The following CDKAL1 variants were observed in gnomAD, a reference collection of about 807,000 sequenced individuals.
The protein encoded by CDKAL1 is CDKAL1 threonylcarbamoyladenosine tRNA methylthiotransferase.
Under a neutral mutation model 68.2 loss-of-function variants are expected in CDKAL1, and 32 were observed. The observed-to-expected ratio is 0.47, with a 90% CI of 0.35 to 0.63. CDKAL1 has a LOEUF of 0.63. CDKAL1 is among the 30% of genes least tolerant of loss of function. CDKAL1 has a pLI of 0.00. For synonymous variants in CDKAL1, 234 were observed against 244.3 expected, an observed-to-expected ratio of 0.96 and a Z score of 0.39; for missense variants, 606 against 696.7, an observed-to-expected ratio of 0.87 and a Z score of 1.47.
At chr6:20,540,055 A>G (rs1034471294) in intron 2 of CDKAL1, among the ~76,000 whole-genome samples, 3 of 149,476 alleles carry the variant, frequency 2.0e-5, no homozygotes, top group Admixed American at 1.3e-4. Context: ...TTTTGGCCTG[A>G]GCAGTAGAAG....
At chr6:20,638,695 T>G (rs1326787694) in intron 4 of CDKAL1, among the ~76,000 whole-genome samples, 1 of 150,596 alleles carries the variant, frequency 6.6e-6, no homozygotes, top group Non-Finnish European at 1.5e-5. Context: ...CACTGCAACC[T>G]CCAACTCCCT....
intron 9 of CDKAL1, among the ~76,000 whole-genome samples, chr6:20,858,900 G>A (rs1321683384): frequency 6.6e-6 from 1 of 151,710 alleles, no homozygotes; most frequent in Non-Finnish European, 1.5e-5. Flanking sequence ...CTTTTCTTGG[G>A]GACAAAGAGT....
At chr6:21,090,236 G>C (rs1386745762) in intron 12 of CDKAL1, among the ~76,000 whole-genome samples, 2 of 152,160 alleles carry the variant, frequency 1.3e-5, no homozygotes. Context: ...AACATTTATT[G>C]AGTGATTACT....
chr6:21,049,339 C>T (rs1441223906), intron 11 of CDKAL1, among the ~76,000 whole-genome samples: 3 of 152,094 alleles, frequency 2.0e-5, no homozygotes, highest in African/African-American at 7.2e-5. Flanking sequence ...CAGAAAAATA[C>T]ACATTACTGA....
intron 8 of CDKAL1, among the ~76,000 whole-genome samples, chr6:20,810,193 A>G (rs1304177670): frequency 6.6e-6 from 1 of 152,160 alleles, no homozygotes; most frequent in African/African-American, 2.4e-5. Flanking sequence ...AGCTGCAGCA[A>G]TTATCAACTC....
At chr6:20,565,415 A>AT (rs1764424122) in intron 4 of CDKAL1, among the ~76,000 whole-genome samples, 1 of 151,984 alleles carries the variant, frequency 6.6e-6, no homozygotes, top group Admixed American at 6.6e-5. Context: ...GAAAGTTTAC[A>AT]TTTTTTTCCG....
intron 4 of CDKAL1, among the ~76,000 whole-genome samples, chr6:20,630,121 G>A (rs1177407133): frequency 2.6e-5 from 4 of 151,976 alleles, no homozygotes; most frequent in Admixed American, 6.6e-5. Flanking sequence ...TGCCTGCCTC[G>A]GCCTCCCAAA....
intron 9 of CDKAL1, among the ~76,000 whole-genome samples, chr6:20,937,710 A>T (rs910439187): frequency 3.9e-5 from 6 of 152,184 alleles, no homozygotes; most frequent in African/African-American, 1.4e-4. Context: ...GATTAAATTC[A>T]GGTTATGCAT....
rs201108948 is a variant in CDKAL1 at position 20,925,565 on chromosome 6, CAGTG to C, written c.743-29851_743-29848del. On this transcript the variant is annotated intron_variant, in intron 9 of 15. Coordinates refer to ENST00000274695, the MANE Select transcript of CDKAL1 (RefSeq NM_017774.3). ...GAACTTATTTTACATTTTTACTTCT[CAGTG>C]AGAATACATCTGATAATTTAGGGAA... Among the ~76,000 whole-genome samples the C allele has an allele frequency of 7.3e-3, 1,116 of 152,258 alleles. 13 individuals are homozygous for C. The highest frequency in any genetic ancestry group is 0.031 in the Middle Eastern group (9 of 294).
At chr6:20,576,664 TC>T (rs1764919960) in intron 4 of CDKAL1, among the ~76,000 whole-genome samples, 1 of 152,196 alleles carries the variant, frequency 6.6e-6, no homozygotes, top group African/African-American at 2.4e-5. Context: ...GCCTTCTGTT[TC>T]CCCATGTTCC....
chr6:21,119,347 A>T (rs1774585669), intron 13 of CDKAL1, among the ~76,000 whole-genome samples: 1 of 152,240 alleles, frequency 6.6e-6, no homozygotes, highest in Non-Finnish European at 1.5e-5. Flanking sequence ...CTAGGATGTC[A>T]GCTCTGCCAC....
At chr6:20,939,796 C>T (rs572574397) in intron 9 of CDKAL1, among the ~76,000 whole-genome samples, 13 of 152,044 alleles carry the variant, frequency 8.6e-5, no homozygotes, top group Non-Finnish European at 1.8e-4. Context: ...TTTTCCTAAA[C>T]AAGAAAAGTT....
At position 20,539,078 on chromosome 6, in the gene CDKAL1, C is replaced by T. The variant is rs188637953; in HGVS notation, c.-6+3684C>T. ...TGAAAGTGTGGGCATGCTTGGGCAGCGTGGTTATTTTAGATAAGGTAGTAG... is the reference window on the plus strand; with the variant it reads ...TGAAAGTGTGGGCATGCTTGGGCAGTGTGGTTATTTTAGATAAGGTAGTAG... On this transcript the variant is annotated intron_variant, in intron 2 of 15. Transcript: ENST00000274695. This position sits in a 1 kb window ranked among gnomAD's most constrained non-coding sequence, Gnocchi z 4.3. 2.0e-5 allele frequency among the ~76,000 whole-genome samples: 3 copies of T among 152,100 alleles called. No individual in the cohort carries two copies. Among genetic ancestry groups the T allele is most frequent in the Admixed American group, 1.3e-4 (2 of 15,266 alleles).
At chr6:20,548,456 C>T (rs1763689379) in intron 3 of CDKAL1, 137 bp from the exon 4 acceptor site, 2 of 630,216 alleles carry the variant, frequency 3.2e-6, no homozygotes, top group Non-Finnish European at 5.7e-6. Context: ...TCCCTTAGGC[C>T]TGGGAGGTTG....
chr6:20,643,514 G>A lies in CDKAL1; in HGVS notation c.287-5779G>A, dbSNP rs138365427. 8.5e-5 allele frequency among the ~76,000 whole-genome samples: 13 copies of A among 152,246 alleles called. 1 individual carries two copies. The highest frequency in any genetic ancestry group is 3.9e-4 in the East Asian group (2 of 5,190). On this transcript the variant is annotated intron_variant, in intron 4 of 15. Coordinates refer to ENST00000274695, the MANE Select transcript of CDKAL1 (RefSeq NM_017774.3). ...TTTTGCAGAGTTGATGGTGTTTCTC[G>A]TAGTTGATGGCATCTTAGAAGCCCA... is the stretch of plus-strand genomic sequence containing the variant.
intron 9 of CDKAL1, among the ~76,000 whole-genome samples, chr6:20,953,028 C>T (rs899240242): frequency 6.6e-6 from 1 of 152,226 alleles, no homozygotes; most frequent in African/African-American, 2.4e-5. Flanking sequence ...AAGCAAAATT[C>T]TCCTCAAGTC....
chr6:20,872,300 A>G (rs1760262574), intron 9 of CDKAL1, among the ~76,000 whole-genome samples: 1 of 152,160 alleles, frequency 6.6e-6, no homozygotes, highest in South Asian at 2.1e-4. Flanking sequence ...TTTCCTGATT[A>G]TCTCTTTTAA....
At chr6:21,038,318 G>A (rs1161083325) in intron 11 of CDKAL1, among the ~76,000 whole-genome samples, 1 of 152,198 alleles carries the variant, frequency 6.6e-6, no homozygotes, top group African/African-American at 2.4e-5. Context: ...TTTAGGAAGG[G>A]AATTGAAGCT....
intron 11 of CDKAL1, among the ~76,000 whole-genome samples, chr6:21,023,253 C>T (rs953191580): frequency 6.6e-6 from 1 of 151,886 alleles, no homozygotes. Context: ...TTTATTTACT[C>T]CGAGGTGATT....
Sources: gnomAD v4.1 joint callset for allele counts (sites outside exome capture counted in the v4.1 genomes callset) on GRCh38, gnomAD v4.1.1 for gene constraint, Gnocchi (gnomAD v3.1) non-coding constraint, MANE v1.5 for transcripts, NCBI Gene and HGNC (gene_info 2026-07-23, HGNC 2026-07-21) for gene names.